Variants in MDGA2 observed in about 807,000 individuals in gnomAD.
MDGA2 encodes MAM domain-containing glycosylphosphatidylinositol anchor protein 2.
A neutral mutation model predicts 117.8 loss-of-function variants in MDGA2; 40 were observed. The observed-to-expected ratio is 0.34, with a 90% CI of 0.26 to 0.44. The LOEUF is 0.44. Ranked by LOEUF, MDGA2 falls within the 20% of genes least tolerant of loss-of-function variation. The probability of loss-of-function intolerance (pLI) is 1.00; values close to 1 mark genes in which losing one functional copy is unlikely to be tolerated. For missense variants in MDGA2, 1,123 were observed against 1,250.6 expected (o/e 0.90, Z 1.54); for synonymous variants, 452 against 439.0 (o/e 1.03, Z -0.37).
intron 9 of MDGA2, among the ~76,000 whole-genome samples, chr14:46,935,803 G>A (rs2138564400): frequency 1.3e-5 from 2 of 152,240 alleles, no homozygotes; most frequent in Middle Eastern, 6.8e-3. Flanking sequence ...AGTGTGGAAT[G>A]CAGGGATCGG....
chr14:47,038,931 C>T (rs889426561), intron 7 of MDGA2, among the ~76,000 whole-genome samples: 12 of 148,218 alleles, frequency 8.1e-5, no homozygotes, highest in Admixed American at 2.0e-4. Context: ...GCCTGGGCAA[C>T]GGAGTGAGAC....
At chr14:47,055,002 CTTTTTTT>C (rs10640408) in intron 7 of MDGA2, among the ~76,000 whole-genome samples, 21 of 125,674 alleles carry the variant, frequency 1.7e-4, no homozygotes, top group African/African-American at 4.2e-4. Context: ...TTTTTCTTTT[CTTTTTTT>C]TTTTTTTTTT....
At chr14:46,954,631 C>G (rs1407744993) in intron 9 of MDGA2, among the ~76,000 whole-genome samples, 2 of 151,978 alleles carry the variant, frequency 1.3e-5, no homozygotes, top group African/African-American at 4.8e-5. Context: ...ACTCCCCCTG[C>G]CTCTCTCTTA....
chr14:46,923,194 A>T (rs967747162), intron 9 of MDGA2, among the ~76,000 whole-genome samples: 1 of 152,194 alleles, frequency 6.6e-6, no homozygotes, highest in Admixed American at 6.5e-5. Context: ...AAATATATCA[A>T]ATTTCACTAT....
At chr14:47,411,827 C>T (rs1892378988) in intron 1 of MDGA2, among the ~76,000 whole-genome samples, 1 of 152,100 alleles carries the variant, frequency 6.6e-6, no homozygotes, top group Admixed American at 6.6e-5. Context: ...GGAACAGGGG[C>T]CCTAGCCATA....
At chr14:47,014,382 T>C (rs1888009104) in intron 8 of MDGA2, among the ~76,000 whole-genome samples, 2 of 152,184 alleles carry the variant, frequency 1.3e-5, no homozygotes, top group South Asian at 4.1e-4. Context: ...GCCTATCCTT[T>C]GAAGTTTTGA....
At chr14:47,395,493 C>T (rs945649692) in intron 1 of MDGA2, among the ~76,000 whole-genome samples, 44 of 151,940 alleles carry the variant, frequency 2.9e-4, no homozygotes, top group African/African-American at 9.2e-4. Flanking sequence ...TAACATTAAA[C>T]GTATTGGAAA....
intron 3 of MDGA2, among the ~76,000 whole-genome samples, chr14:47,180,015 A>T (rs1025805137): frequency 6.6e-6 from 1 of 151,242 alleles, no homozygotes; most frequent in Non-Finnish European, 1.5e-5. Context: ...TTCTTATTCT[A>T]TTCTTTAACT....
chr14:46,897,585 G>T (rs1883124533), intron 10 of MDGA2, among the ~76,000 whole-genome samples: 1 of 124,770 alleles, frequency 8.0e-6, no homozygotes. Context: ...ACCTATACCT[G>T]CCTCATTGAG....
intron 1 of MDGA2, among the ~76,000 whole-genome samples, chr14:47,513,719 A>C (rs1894692378): frequency 6.6e-6 from 1 of 152,118 alleles, no homozygotes; most frequent in African/African-American, 2.4e-5. Context: ...TTAAGAAACT[A>C]AAAGTACATT....
chr14:46,913,407 C>T (rs987119973), intron 10 of MDGA2, among the ~76,000 whole-genome samples: 1 of 152,102 alleles, frequency 6.6e-6, no homozygotes, highest in South Asian at 2.1e-4. Context: ...TTCCTCCAAA[C>T]AGTTCTTGCA....
chr14:47,246,794 G>C (rs1426406865), intron 2 of MDGA2, among the ~76,000 whole-genome samples: 5 of 84,466 alleles, frequency 5.9e-5, no homozygotes, highest in Admixed American at 4.4e-4. Flanking sequence ...TTCTGAAGCA[G>C]GTAATGAAAC....
At chr14:47,102,606 C>T (rs960018718) in intron 5 of MDGA2, among the ~76,000 whole-genome samples, 1 of 152,018 alleles carries the variant, frequency 6.6e-6, no homozygotes, top group East Asian at 1.9e-4. Flanking sequence ...CACTGATGAG[C>T]AGGTTATCAC....
chr14:47,640,126 A>G (rs1897396822), intron 1 of MDGA2, among the ~76,000 whole-genome samples: 1 of 152,112 alleles, frequency 6.6e-6, no homozygotes, highest in Admixed American at 6.5e-5. Flanking sequence ...AATGCACAAC[A>G]TGGTCACAAC....
intron 9 of MDGA2, among the ~76,000 whole-genome samples, chr14:46,947,844 A>C (rs1352953681): frequency 2.0e-5 from 3 of 152,040 alleles, no homozygotes; most frequent in Non-Finnish European, 4.4e-5. Context: ...ATTTAAAAAA[A>C]AAATCTCAGT....
intron 9 of MDGA2, among the ~76,000 whole-genome samples, chr14:46,943,158 TTACTC>T (rs1375130161): frequency 6.6e-6 from 1 of 152,086 alleles, no homozygotes; most frequent in African/African-American, 2.4e-5. Flanking sequence ...ACTCTCGTAA[TTACTC>T]TATCTTGAAG....
chr14:46,896,951 C>G (rs905264713), intron 10 of MDGA2, among the ~76,000 whole-genome samples: 1 of 152,102 alleles, frequency 6.6e-6, no homozygotes, highest in Non-Finnish European at 1.5e-5. Flanking sequence ...TGTGTGAGGC[C>G]TCTGGGAAGG....
chr14:46,842,994 TTC>T (rs1880678966), intron 16 of MDGA2, among the ~76,000 whole-genome samples: 1 of 152,182 alleles, frequency 6.6e-6, no homozygotes, highest in Non-Finnish European at 1.5e-5. Flanking sequence ...ACAGAAAACT[TTC>T]TGATGCCAAA....
At chr14:47,621,499 T>A (rs1181177475) in intron 1 of MDGA2, among the ~76,000 whole-genome samples, 2 of 152,158 alleles carry the variant, frequency 1.3e-5, no homozygotes, top group African/African-American at 4.8e-5. Context: ...TTCCCACTCC[T>A]TAATAATACA....
Sources: gnomAD v4.1 joint callset for allele counts (sites outside exome capture counted in the v4.1 genomes callset) on GRCh38, gnomAD v4.1.1 for gene constraint, MANE v1.5 for transcripts, NCBI Gene and HGNC (gene_info 2026-07-23, HGNC 2026-07-21) for gene names.